GALNT17: variants seen among roughly 807,000 people sequenced by gnomAD.
GALNT17 encodes UDP-GalNAc:polypeptide N-acetylgalactosaminyltransferase-like 3.
A neutral mutation model predicts 63.7 loss-of-function variants in GALNT17; 29 were observed. That is an observed-to-expected ratio of 0.46 (90% CI 0.34 to 0.62). The LOEUF (loss-of-function observed/expected upper bound fraction) is 0.62. GALNT17 is among the 20% of genes least tolerant of loss of function. GALNT17 has a pLI of 0.01. For synonymous variants in GALNT17, 305 were observed against 318.3 expected (o/e 0.96, Z 0.45); for missense variants, 603 against 799.6 (o/e 0.75, Z 2.97).
At chr7:71,143,768 G>T (rs949023154) in intron 1 of GALNT17, among the ~76,000 whole-genome samples, 2 of 151,410 alleles carry the variant, frequency 1.3e-5, no homozygotes, top group African/African-American at 4.9e-5. Flanking sequence ...GGCAGGGCAC[G>T]GTGGCTCACG....
rs575660009 is a variant in GALNT17 at position 71,286,514 on chromosome 7, C to T, written c.239-49036C>T. ...AGACAGGGCCAGTATTATTCCCGTT[C>T]GCAAATAAGGAAACACGCTCTGGGC... is the stretch of plus-strand genomic sequence containing the variant. On this transcript the variant is annotated intron_variant, in intron 1 of 10. Coordinates refer to ENST00000333538, the MANE Select transcript of GALNT17 (RefSeq NM_022479.3). Among the ~76,000 whole-genome samples, 9 of 152,270 alleles carry T rather than the reference C, an allele frequency of 5.9e-5. No individual in the cohort carries two copies. In the South Asian group the frequency reaches 1.2e-3, roughly 21 times the overall value.
Position 71,511,050 on chromosome 7 carries a change from T to G in GALNT17, c.963-60235T>G, listed in dbSNP as rs976715591. On this transcript the variant is annotated intron_variant, in intron 5 of 10. Coordinates refer to ENST00000333538, the MANE Select transcript of GALNT17 (RefSeq NM_022479.3). ...TGATAGAATTAGCCAGGCATGGTGG[T>G]GCACACCTGTAGTCCCAGCTACTCA... Among the ~76,000 whole-genome samples, 14 of 152,104 alleles carry G rather than the reference T, an allele frequency of 9.2e-5. No individual in the cohort carries two copies. The South Asian group carries it at 2.5e-3, about 27-fold the overall frequency.
intron 1 of GALNT17, among the ~76,000 whole-genome samples, chr7:71,177,136 G>A (rs561204791): frequency 6.6e-6 from 1 of 152,216 alleles, no homozygotes; most frequent in Admixed American, 6.5e-5. Flanking sequence ...GTCGGAGAGC[G>A]GGGCCAAGCT....
chr7:71,699,171 CAAAAAAAAAA>C (rs59124269), intron 9 of GALNT17, among the ~76,000 whole-genome samples: 17,661 of 77,972 alleles, frequency 0.23, 1,489 homozygotes, highest in South Asian at 0.35. Context: ...GACTCCATCT[CAAAAAAAAAA>C]AAAAAAAAAA....
In GALNT17 at chr7:71,335,667, G is replaced by A. The variant is rs764075635; in HGVS notation, c.356G>A (p.Gly119Asp). 6.2e-7 allele frequency: 1 copy of A among 1,613,482 alleles called. No individual in the cohort carries two copies. Among genetic ancestry groups the A allele is most frequent in the Non-Finnish European group, 8.5e-7 (1 of 1,179,732 alleles). The change falls in exon 2 of 11, where the codon GGC (glycine) becomes GAC (aspartate). Residue 119 changes from glycine to aspartate, a missense_variant. Coordinates refer to ENST00000333538, the MANE Select transcript of GALNT17 (RefSeq NM_022479.3). ...GCTAAGGGACCCCATGAGAAGTATGGCTACAATTCATACCTCAGTGAAAAA... is the reference window on the plus strand; with the variant it reads ...GCTAAGGGACCCCATGAGAAGTATGACTACAATTCATACCTCAGTGAAAAA... ...EKAKGPHEKYGYNSYLSEKIS... is the reference protein window; with the variant it reads ...EKAKGPHEKYDYNSYLSEKIS...
chr7:71,180,769 G>A (rs1191996804), intron 1 of GALNT17, among the ~76,000 whole-genome samples: 2 of 152,156 alleles, frequency 1.3e-5, no homozygotes, highest in African/African-American at 4.8e-5. Context: ...GGGTGGAGAA[G>A]TTCAAGCTCA....
At chr7:71,355,412 A>C (rs536983176) in intron 2 of GALNT17, among the ~76,000 whole-genome samples, 81 of 152,332 alleles carry the variant, frequency 5.3e-4, no homozygotes, top group Non-Finnish European at 9.3e-4. Flanking sequence ...GAAATGCTTT[A>C]ACTTCGGTTT....
intron 5 of GALNT17, among the ~76,000 whole-genome samples, chr7:71,482,483 CA>C (rs1787838834): frequency 6.6e-6 from 1 of 152,102 alleles, no homozygotes; most frequent in African/African-American, 2.4e-5. Flanking sequence ...CATCATTAGG[CA>C]ATTTCATCAT....
At chr7:71,377,120 T>A (rs376542261) in intron 2 of GALNT17, among the ~76,000 whole-genome samples, 1,398 of 78,126 alleles carry the variant, frequency 0.018, 133 homozygotes, top group Middle Eastern at 0.046. Context: ...AAAAAATATA[T>A]ATATATATAT....
rs1376697148 is a variant in GALNT17, at chr7:71,307,232, T to C, written c.239-28318T>C. The stretch of plus-strand genomic sequence containing the variant: ...CCGCCATACTGTTTTCCATAGGGGT[T>C]GCAGCATTTTGCATTCCCATCAGCC... On this transcript the variant is annotated intron_variant, in intron 1 of 10. Coordinates refer to ENST00000333538, the MANE Select transcript of GALNT17 (RefSeq NM_022479.3). Among the ~76,000 whole-genome samples, 6 of 152,144 alleles carry C rather than the reference T, an allele frequency of 3.9e-5. 1 individual carries two copies. Among genetic ancestry groups the C allele is most frequent in the Admixed American group, 3.9e-4 (6 of 15,270 alleles).
chr7:71,534,107 T>C (rs908028044), intron 5 of GALNT17, among the ~76,000 whole-genome samples: 1 of 152,120 alleles, frequency 6.6e-6, no homozygotes, highest in African/African-American at 2.4e-5. Context: ...TGTTCGTCTG[T>C]TCTCATGCTA....
At chr7:71,474,907 A>C (rs1787698212) in intron 5 of GALNT17, among the ~76,000 whole-genome samples, 1 of 152,100 alleles carries the variant, frequency 6.6e-6, no homozygotes, top group South Asian at 2.1e-4. Flanking sequence ...GAGGCAGAGG[A>C]AGATTTGACC....
intron 3 of GALNT17, among the ~76,000 whole-genome samples, chr7:71,403,067 T>C (rs1411687232): frequency 1.3e-5 from 2 of 152,208 alleles, no homozygotes; most frequent in Non-Finnish European, 2.9e-5. Context: ...CATTTCTCTT[T>C]GTGTTTTTTT....
At chr7:71,237,612 G>C (rs913899383) in intron 1 of GALNT17, among the ~76,000 whole-genome samples, 2 of 152,022 alleles carry the variant, frequency 1.3e-5, no homozygotes, top group Non-Finnish European at 2.9e-5. Context: ...TTGAGCCCAG[G>C]AGCTTGAGGC....
At chr7:71,457,501 G>T (rs1481475180) in intron 5 of GALNT17, among the ~76,000 whole-genome samples, 1 of 152,184 alleles carries the variant, frequency 6.6e-6, no homozygotes, top group East Asian at 1.9e-4. Flanking sequence ...ATAAAAGAAT[G>T]GCTACTCCAT....
At chr7:71,359,497 T>G (rs1251433389) in intron 2 of GALNT17, among the ~76,000 whole-genome samples, 2 of 152,038 alleles carry the variant, frequency 1.3e-5, no homozygotes, top group African/African-American at 4.8e-5. Flanking sequence ...CCAAACACCT[T>G]CCAGTAGACC....
intron 9 of GALNT17, among the ~76,000 whole-genome samples, chr7:71,691,902 C>T (rs62458994): frequency 2.6e-5 from 3 of 114,618 alleles, no homozygotes; most frequent in South Asian, 2.9e-4. Flanking sequence ...CTTCCTTTCT[C>T]TCTTTCTCTC....
chr7:71,492,765 C>G (rs4392778), intron 5 of GALNT17, among the ~76,000 whole-genome samples: 1 of 152,170 alleles, frequency 6.6e-6, no homozygotes, highest in Non-Finnish European at 1.5e-5. Flanking sequence ...GAGTGTTTGA[C>G]GTATCGCTGT....
At chr7:71,281,817 T>G (rs1790783005) in intron 1 of GALNT17, among the ~76,000 whole-genome samples, 1 of 152,226 alleles carries the variant, frequency 6.6e-6, no homozygotes, top group Non-Finnish European at 1.5e-5. Context: ...GGGAACAATT[T>G]ATGGTTTTCT....
Sources: gnomAD v4.1 joint callset for allele counts (sites outside exome capture counted in the v4.1 genomes callset) on GRCh38, gnomAD v4.1.1 for gene constraint, MANE v1.5 for transcripts, NCBI Gene and HGNC (gene_info 2026-07-23, HGNC 2026-07-21) for gene names.